Variants in VTI1A observed in about 807,000 individuals in gnomAD.
VTI1A encodes vesicle transport through interaction with t-SNAREs 1A.
A neutral mutation model predicts 34.9 loss-of-function variants in VTI1A; 22 were observed. That is an observed-to-expected ratio of 0.63 (90% CI 0.45 to 0.90). The LOEUF (loss-of-function observed/expected upper bound fraction) is 0.90. VTI1A is among the 40% of genes least tolerant of loss of function. The pLI, the probability that VTI1A is intolerant of heterozygous loss-of-function variation, is 0.00. For synonymous variants in VTI1A, 87 were observed against 97.3 expected, an observed-to-expected ratio of 0.89 and a Z score of 0.62; for missense variants, 268 against 275.6, an observed-to-expected ratio of 0.97 and a Z score of 0.20.
chr10:112,675,026 T>C (rs1847976338), intron 7 of VTI1A, among the ~76,000 whole-genome samples: 1 of 152,132 alleles, frequency 6.6e-6, no homozygotes, highest in South Asian at 2.1e-4. Context: ...TTACAGTAAA[T>C]AGAAAAATAA....
At chr10:112,760,181 A>G (rs900080047) in intron 7 of VTI1A, among the ~76,000 whole-genome samples, 9 of 152,230 alleles carry the variant, frequency 5.9e-5, no homozygotes, top group Non-Finnish European at 1.2e-4. Context: ...ATACGTTCCA[A>G]GACCGCCAGT....
chr10:112,805,430 G>A (rs1379986414), intron 7 of VTI1A, among the ~76,000 whole-genome samples: 3 of 152,208 alleles, frequency 2.0e-5, no homozygotes, highest in Admixed American at 6.5e-5. Context: ...TTTACACTAC[G>A]AGAACAAAGT....
chr10:112,605,119 C>G (rs904312201), intron 5 of VTI1A, among the ~76,000 whole-genome samples: 3 of 152,156 alleles, frequency 2.0e-5, no homozygotes, highest in Non-Finnish European at 4.4e-5. Context: ...ACCAGACTTT[C>G]CATCCTGATC....
chr10:112,635,061 CTTG>C (rs1321046797), intron 5 of VTI1A, among the ~76,000 whole-genome samples: 1 of 152,130 alleles, frequency 6.6e-6, no homozygotes, highest in Non-Finnish European at 1.5e-5. Context: ...TTTTCACTGC[CTTG>C]TTGTTGCCTG....
intron 7 of VTI1A, among the ~76,000 whole-genome samples, chr10:112,730,304 G>A (rs896348808): frequency 3.3e-5 from 5 of 152,138 alleles, no homozygotes; most frequent in African/African-American, 4.8e-5. Flanking sequence ...CATTTCTCCT[G>A]GTGAGAATGT....
chr10:112,631,057 AGG>A (rs1371052923), intron 5 of VTI1A, among the ~76,000 whole-genome samples: 1 of 151,840 alleles, frequency 6.6e-6, no homozygotes, highest in Non-Finnish European at 1.5e-5. Flanking sequence ...GGGAGCCGGG[AGG>A]TGGAGGTTGC....
intron 7 of VTI1A, among the ~76,000 whole-genome samples, chr10:112,710,412 G>C (rs1441722014): frequency 2.6e-5 from 4 of 151,956 alleles, no homozygotes. Context: ...TTGCCATGTT[G>C]GTCAGGCTGG....
In VTI1A at chr10:112,576,429, T is replaced by C. The variant is rs79058733; in HGVS notation, c.427+38099T>C. On this transcript the variant is annotated intron_variant, in intron 5 of 7. Transcript: ENST00000393077. ...AGTACCTCCTAGGAGCCAGGCACTG[T>C]GCTAACATTCAGGAAACACCCAATT... Among the ~76,000 whole-genome samples the C allele has an allele frequency of 6.0e-3, 909 of 152,346 alleles. 6 individuals carry two copies. The highest frequency in any genetic ancestry group is 0.02 in the African/African-American group (851 of 41,566).
At chr10:112,599,790 G>A (rs1844812542) in intron 5 of VTI1A, among the ~76,000 whole-genome samples, 1 of 152,110 alleles carries the variant, frequency 6.6e-6, no homozygotes, top group Admixed American at 6.6e-5. Flanking sequence ...ATGTTGCCCA[G>A]GTTGGTTTCA....
chr10:112,732,918 A>G (rs1257194407), intron 7 of VTI1A, among the ~76,000 whole-genome samples: 5 of 148,334 alleles, frequency 3.4e-5, no homozygotes, highest in African/African-American at 1.3e-4. Context: ...GAGTTGACAC[A>G]GTAAAGGTGG....
Position 112,770,639 on chromosome 10 carries a change from C to G in VTI1A, c.561-44651C>G, listed in dbSNP as rs549278388. Among the ~76,000 whole-genome samples the G allele has an allele frequency of 7.9e-5, 12 of 151,888 alleles. No homozygotes were observed. The South Asian group carries it at 2.5e-3, about 32-fold the overall frequency. On this transcript the variant is annotated intron_variant, in intron 7 of 7. Transcript: ENST00000393077. The stretch of plus-strand genomic sequence containing the variant: ...GCCAGGAAGGTCTCGATCTCCTGAC[C>G]TCGTGATCCACCCGACTCCACCTCC...
rs140889088 is a variant in VTI1A at position 112,696,094 on chromosome 10, T to TTATATATATATATATA, written c.560+27102_560+27117dup. Among the ~76,000 whole-genome samples the TTATATATATATATATA allele has an allele frequency of 3.0e-3, 432 of 145,158 alleles. 1 individual carries two copies. Among genetic ancestry groups the TTATATATATATATATA allele is most frequent in the Middle Eastern group, 0.011 (3 of 276 alleles). On this transcript the variant is annotated intron_variant, in intron 7 of 7. Transcript: ENST00000393077. The stretch of plus-strand genomic sequence containing the variant: ...AGAAAAATGTAATTAGAGAGAATGA[T>TTATATATATATATATA]TATATATATATATATATATATGCAC...
In VTI1A at chr10:112,686,826, G is replaced by A. The variant is rs116783677; in HGVS notation, c.560+17828G>A. On this transcript the variant is annotated intron_variant, in intron 7 of 7. Coordinates refer to ENST00000393077, the MANE Select transcript of VTI1A (RefSeq NM_145206.4). ...TCCTCTTGAACATCACTGGTTTCGT[G>A]GTGTTTTTCTAAGGCTTCTGAAAGG... 1.0e-3 allele frequency among the ~76,000 whole-genome samples: 154 copies of A among 152,142 alleles called. 1 individual carries two copies. Among genetic ancestry groups the A allele is most frequent in the African/African-American group, 3.6e-3 (148 of 41,508 alleles).
chr10:112,842,050 C>CTTTTTTTTT, the VTI1A span, among the ~76,000 whole-genome samples: 19 of 93,138 alleles, frequency 2.0e-4, 1 homozygote, highest in South Asian at 3.5e-4. Context: ...TTTTTTTTTT[C>CTTTTTTTTT]CTTTTTTTTT....
chr10:112,596,881 C>A (rs1844667636), intron 5 of VTI1A, among the ~76,000 whole-genome samples: 1 of 152,088 alleles, frequency 6.6e-6, no homozygotes, highest in South Asian at 2.1e-4. Context: ...TTGTGGTATA[C>A]TTTTTTCAAA....
At chr10:112,619,371 G>A (rs1029042843) in intron 5 of VTI1A, among the ~76,000 whole-genome samples, 2 of 152,054 alleles carry the variant, frequency 1.3e-5, no homozygotes, top group African/African-American at 2.4e-5. Context: ...GGGTAAGCAC[G>A]TTCACCTGGA....
intron 5 of VTI1A, among the ~76,000 whole-genome samples, chr10:112,636,348 T>C (rs1846351306): frequency 6.6e-6 from 1 of 152,222 alleles, no homozygotes. Context: ...TATTTTTACC[T>C]ATTGTAATAG....
chr10:112,608,351 G>A (rs1845167154), intron 5 of VTI1A, among the ~76,000 whole-genome samples: 1 of 152,168 alleles, frequency 6.6e-6, no homozygotes, highest in Non-Finnish European at 1.5e-5. Context: ...TAAATAAAGT[G>A]CGATTTGTTT....
intron 5 of VTI1A, among the ~76,000 whole-genome samples, chr10:112,596,552 A>C (rs906327859): frequency 1.3e-5 from 2 of 152,156 alleles, no homozygotes; most frequent in African/African-American, 4.8e-5. Flanking sequence ...TTTCTTAGTG[A>C]TAAATTTTTA....
Sources: gnomAD v4.1 joint callset for allele counts (sites outside exome capture counted in the v4.1 genomes callset) on GRCh38, gnomAD v4.1.1 for gene constraint, MANE v1.5 for transcripts, NCBI Gene and HGNC (gene_info 2026-07-23, HGNC 2026-07-21) for gene names.